Variants in PTPRK observed in about 807,000 individuals in gnomAD.
The protein encoded by PTPRK is receptor-type tyrosine-protein phosphatase kappa.
PTPRK carries 75 observed loss-of-function variants against 178.0 expected under a neutral mutation model. That is an observed-to-expected ratio of 0.42 (90% CI 0.35 to 0.51). The LOEUF (loss-of-function observed/expected upper bound fraction) is 0.51. Among genes scored for constraint, PTPRK ranks in the 20% least tolerant of loss-of-function variants. The probability of loss-of-function intolerance (pLI) is 0.02; values close to 1 mark genes in which losing one functional copy is unlikely to be tolerated. For missense variants in PTPRK, 1,441 were observed against 1,797.8 expected (o/e 0.80, Z 3.59); for synonymous variants, 637 against 620.6 (o/e 1.03, Z -0.39).
chr6:128,186,607 C>T (rs115834115), intron 6 of PTPRK, among the ~76,000 whole-genome samples: 47 of 152,054 alleles, frequency 3.1e-4, no homozygotes, highest in African/African-American at 1.1e-3. Context: ...CTGAATTCAA[C>T]GGAGAAGTTA....
chr6:128,475,412 T>C (rs1056832346), intron 1 of PTPRK, among the ~76,000 whole-genome samples: 4 of 152,070 alleles, frequency 2.6e-5, no homozygotes, highest in African/African-American at 7.2e-5. Flanking sequence ...CAGCGAAAGA[T>C]AGATTGGTTA....
At chr6:128,006,068 T>C in intron 14 of PTPRK, 2 of 1,557,294 alleles carry the variant, frequency 1.3e-6, no homozygotes, top group Non-Finnish European at 1.8e-6. Flanking sequence ...GGCAAGCAAA[T>C]CACAGACAGT....
intron 5 of PTPRK, among the ~76,000 whole-genome samples, chr6:128,232,959 T>C (rs558062584): frequency 4.6e-5 from 7 of 152,360 alleles, no homozygotes; most frequent in African/African-American, 1.4e-4. Context: ...TTTAATCAAG[T>C]TGACTTTAAA....
chr6:128,088,151 G>C (rs2115019579), intron 8 of PTPRK, among the ~76,000 whole-genome samples: 2 of 152,272 alleles, frequency 1.3e-5, no homozygotes, highest in South Asian at 4.1e-4. Context: ...GCGGAGGCGG[G>C]TGGATCACTC....
intron 7 of PTPRK, among the ~76,000 whole-genome samples, chr6:128,169,381 G>GA (rs1174635349): frequency 2.0e-5 from 3 of 151,156 alleles, no homozygotes; most frequent in East Asian, 2.0e-4. Flanking sequence ...ATTTTTAAAA[G>GA]AAAAAAAACA....
intron 2 of PTPRK, among the ~76,000 whole-genome samples, chr6:128,380,044 G>A (rs1204978461): frequency 1.3e-5 from 2 of 151,992 alleles, no homozygotes; most frequent in Non-Finnish European, 2.9e-5. Context: ...GGAAGAAAAA[G>A]GATGAAGGGG....
intron 1 of PTPRK, among the ~76,000 whole-genome samples, chr6:128,414,651 G>T (rs923824824): frequency 1.3e-5 from 2 of 152,142 alleles, no homozygotes; most frequent in African/African-American, 2.4e-5. Flanking sequence ...TTGATCTAAT[G>T]TAACGATGCC....
chr6:128,205,958 G>A (rs925051907), intron 6 of PTPRK, among the ~76,000 whole-genome samples: 1 of 151,756 alleles, frequency 6.6e-6, no homozygotes, highest in Non-Finnish European at 1.5e-5. Flanking sequence ...GACTTTCTTA[G>A]TTAGAAATAC....
At chr6:128,258,834 A>G (rs936204878) in intron 3 of PTPRK, among the ~76,000 whole-genome samples, 2 of 152,204 alleles carry the variant, frequency 1.3e-5, no homozygotes, top group African/African-American at 4.8e-5. Context: ...ACTTTGAGAT[A>G]CGAATGATCT....
intron 13 of PTPRK, among the ~76,000 whole-genome samples, chr6:128,054,616 T>C (rs1779594538): frequency 6.6e-6 from 1 of 152,182 alleles, no homozygotes; most frequent in Non-Finnish European, 1.5e-5. Context: ...TAATGCTATT[T>C]GCAGTGGGAC....
chr6:128,219,168 C>T, intron 5 of PTPRK, 72 bp from the exon 6 acceptor site: 1 of 1,337,452 alleles, frequency 7.5e-7, no homozygotes, highest in Non-Finnish European at 1.0e-6. Flanking sequence ...TCTTAGCAAG[C>T]AATATCTGTG....
At chr6:128,494,333 A>AT (rs568633466) in intron 1 of PTPRK, among the ~76,000 whole-genome samples, 58 of 152,268 alleles carry the variant, frequency 3.8e-4, no homozygotes, top group African/African-American at 1.3e-3. Context: ...GATTTAGTAG[A>AT]TTTTAAATTT....
intron 13 of PTPRK, among the ~76,000 whole-genome samples, chr6:128,056,209 C>T (rs1779864268): frequency 6.6e-6 from 1 of 151,770 alleles, no homozygotes; most frequent in African/African-American, 2.4e-5. Context: ...AGCTTTTATT[C>T]AGCACATAGC....
chr6:128,083,859 CT>C, intron 8 of PTPRK, 35 bp from the exon 9 acceptor site: 1 of 1,223,536 alleles, frequency 8.2e-7, no homozygotes, highest in South Asian at 1.6e-5. Flanking sequence ...TATGAAAATG[CT>C]TACATTAGAA....
rs369689848 is a variant in PTPRK, at chr6:128,157,205, T to C, written c.1162+27227A>G. Among the ~76,000 whole-genome samples, 26 of 152,122 alleles carry C rather than the reference T, an allele frequency of 1.7e-4. No homozygotes were observed. The South Asian group carries it at 5.4e-3, about 32-fold the overall frequency. ...AGACTCCACTAGAGAATTAATAAGC[T>C]TTCATGTCTGAGCATAGGCTATTGA... On this transcript the variant is annotated intron_variant, in intron 7 of 29. Coordinates refer to ENST00000368226, the MANE Select transcript of PTPRK (RefSeq NM_002844.4).
At chr6:128,272,707 C>A (rs1282180564) in intron 3 of PTPRK, among the ~76,000 whole-genome samples, 1 of 152,128 alleles carries the variant, frequency 6.6e-6, no homozygotes, top group Non-Finnish European at 1.5e-5. Context: ...AGTCAGGAAA[C>A]AACAGGTGCT....
intron 6 of PTPRK, among the ~76,000 whole-genome samples, chr6:128,186,879 C>T (rs1290339572): frequency 1.3e-5 from 2 of 152,102 alleles, no homozygotes; most frequent in African/African-American, 4.8e-5. Flanking sequence ...AAATGCTGCA[C>T]ATATTTTAAG....
At chr6:128,373,531 T>C (rs750372157) in intron 2 of PTPRK, among the ~76,000 whole-genome samples, 5 of 151,676 alleles carry the variant, frequency 3.3e-5, no homozygotes, top group Non-Finnish European at 7.4e-5. Context: ...GAATGTCTGG[T>C]TTTTCTAAAA....
intron 7 of PTPRK, among the ~76,000 whole-genome samples, chr6:128,171,361 G>A (rs955347564): frequency 1.3e-5 from 2 of 151,962 alleles, no homozygotes; most frequent in Non-Finnish European, 2.9e-5. Flanking sequence ...ACAAGCATGA[G>A]GTTGTTTAGG....
Sources: gnomAD v4.1 joint callset for allele counts (sites outside exome capture counted in the v4.1 genomes callset) on GRCh38, gnomAD v4.1.1 for gene constraint, MANE v1.5 for transcripts, NCBI Gene and HGNC (gene_info 2026-07-23, HGNC 2026-07-21) for gene names.